INTS9: variants seen among roughly 807,000 people sequenced by gnomAD.
INTS9 encodes integrator complex subunit 9, also known as protein related to CPSF subunits of 74 kDa.
In INTS9, 55 loss-of-function variants were observed where a neutral mutation model predicts 79.7. The observed-to-expected ratio is 0.69, with a 90% confidence interval of 0.56 to 0.86. INTS9 has a LOEUF of 0.86. INTS9 is among the 40% of genes least tolerant of loss of function. The probability of loss-of-function intolerance (pLI) is 0.00; values close to 1 mark genes in which losing one functional copy is unlikely to be tolerated. For synonymous variants in INTS9, 319 were observed against 325.2 expected (o/e 0.98, Z 0.20); for missense variants, 721 against 831.5 (o/e 0.87, Z 1.64).
intron 10 of INTS9, among the ~76,000 whole-genome samples, chr8:28,788,698 C>T (rs1437416119): frequency 1.3e-5 from 2 of 152,214 alleles, no homozygotes; most frequent in Non-Finnish European, 2.9e-5. Context: ...AGATTACAGG[C>T]GTGAGCCACT....
intron 10 of INTS9, among the ~76,000 whole-genome samples, chr8:28,792,069 T>C (rs1052122255): frequency 6.6e-6 from 1 of 152,324 alleles, no homozygotes; most frequent in Admixed American, 6.5e-5. Flanking sequence ...TAAGTGAGGC[T>C]GCAGTTATTA....
At chr8:28,794,372 T>A (rs189828160) in intron 9 of INTS9, among the ~76,000 whole-genome samples, 1 of 152,296 alleles carries the variant, frequency 6.6e-6, no homozygotes, top group Admixed American at 6.5e-5. Flanking sequence ...TAGGCCGAGT[T>A]TTTCTGTTTG....
At chr8:28,882,470 A>T (rs1186556310) in intron 1 of INTS9, among the ~76,000 whole-genome samples, 4 of 146,766 alleles carry the variant, frequency 2.7e-5, no homozygotes, top group African/African-American at 1.0e-4. Context: ...AAAAAAAAAA[A>T]AATAGAAATA....
intron 1 of INTS9, among the ~76,000 whole-genome samples, chr8:28,866,239 T>C (rs1185264464): frequency 1.3e-5 from 2 of 152,222 alleles, no homozygotes; most frequent in African/African-American, 2.4e-5. Flanking sequence ...AGTCTTATTA[T>C]GACTACTCAT....
chr8:28,812,022 A>G (rs1049849748), intron 8 of INTS9, among the ~76,000 whole-genome samples: 3 of 152,158 alleles, frequency 2.0e-5, no homozygotes, highest in Non-Finnish European at 4.4e-5. Context: ...GGCCCTTGGG[A>G]AGGATTTTAA....
At chr8:28,828,636 C>A (rs1224877553) in intron 6 of INTS9, among the ~76,000 whole-genome samples, 1 of 152,126 alleles carries the variant, frequency 6.6e-6, no homozygotes, top group East Asian at 1.9e-4. Context: ...TTGATAAATT[C>A]CTGTATGCAT....
rs772376372 is a variant in INTS9 at position 28,847,447 on chromosome 8, CACT to C, written c.199-641_199-639del. Reference sequence around the variant, plus strand: ...CCTCCTCCACTACCACGACTACCACCACTACCTCCACCACCACCACCACCACTA... The same window carrying C: ...CCTCCTCCACTACCACGACTACCACCACCTCCACCACCACCACCACCACTA... On this transcript the variant is annotated intron_variant, in intron 3 of 16. Coordinates refer to ENST00000521022, the MANE Select transcript of INTS9 (RefSeq NM_018250.4). Among the ~76,000 whole-genome samples the C allele has an allele frequency of 2.0e-5, 3 of 150,648 alleles. No individual in the cohort carries two copies. In the South Asian group the frequency reaches 6.2e-4, roughly 31 times the overall value.
At chr8:28,826,180 G>A (rs1183106772) in intron 6 of INTS9, among the ~76,000 whole-genome samples, 2 of 152,164 alleles carry the variant, frequency 1.3e-5, no homozygotes, top group Non-Finnish European at 2.9e-5. Context: ...CCACTGAAAA[G>A]AGTAATGTGT....
At chr8:28,812,832 C>A (rs1805231539) in intron 7 of INTS9, among the ~76,000 whole-genome samples, 1 of 152,188 alleles carries the variant, frequency 6.6e-6, no homozygotes, top group Non-Finnish European at 1.5e-5. Context: ...GCCTGAGTAA[C>A]AAAGTGGGAC....
Position 28,775,761 on chromosome 8 carries a change from C to G in INTS9, c.1561G>C (p.Glu521Gln), listed in dbSNP as rs749961902. 12 of 1,614,106 alleles carry G rather than the reference C, an allele frequency of 7.4e-6. No homozygotes were observed. The South Asian group carries it at 1.2e-4, about 16-fold the overall frequency. Residue 521 changes from glutamate (E) to glutamine (Q), a missense_variant and splice_region_variant, in exon 14 of 17, where the codon GAG (glutamate) becomes CAG (glutamine). By Grantham distance (29) the Glu-to-Gln change is conservative. Coordinates refer to ENST00000521022, the MANE Select transcript of INTS9 (RefSeq NM_018250.4). ...CCCTAGGAAGGAGAACAGCTCACCT[C>G]TGGCATGATCTCGATCTTCTCGTAC... ...RRYEKIEIMP[E>Q]LADSLVPMEI...
intron 10 of INTS9, among the ~76,000 whole-genome samples, chr8:28,791,569 C>A (rs1033651973): frequency 9.9e-5 from 15 of 152,168 alleles, no homozygotes; most frequent in African/African-American, 3.6e-4. Context: ...CTTAACCCCC[C>A]AAATGGGGTC....
intron 1 of INTS9, among the ~76,000 whole-genome samples, chr8:28,888,291 C>T (rs565258864): frequency 3.0e-4 from 45 of 152,166 alleles, no homozygotes; most frequent in Non-Finnish European, 5.3e-4. Flanking sequence ...GTGGCTCATG[C>T]CTGTAATTCC....
At chr8:28,877,377 T>A (rs1038247193) in intron 1 of INTS9, among the ~76,000 whole-genome samples, 7 of 152,274 alleles carry the variant, frequency 4.6e-5, no homozygotes, top group Admixed American at 1.3e-4. Context: ...TATAATGACA[T>A]AATATTTTTT....
chr8:28,786,884 A>AT (rs1391082033), intron 11 of INTS9, among the ~76,000 whole-genome samples: 1 of 151,932 alleles, frequency 6.6e-6, no homozygotes, highest in African/African-American at 2.4e-5. Context: ...CGCCTGGCTA[A>AT]TTTTTTGTAT....
Position 28,787,906 on chromosome 8 carries a change from AC to A in INTS9, c.1038-18del. The A allele has an allele frequency of 6.3e-7, 1 of 1,578,704 alleles. No homozygotes were observed. Among genetic ancestry groups the A allele is most frequent in the Non-Finnish European group, 8.7e-7 (1 of 1,151,776 alleles). On this transcript the variant is annotated intron_variant, in intron 10 of 16. Coordinates refer to ENST00000521022, the MANE Select transcript of INTS9 (RefSeq NM_018250.4). Reference sequence around the variant, plus strand: ...TGACAAAGCCTATTAAAGAGGAAAAACACATCAGCATGTGAGGAAGAGCATA... The same window carrying A: ...TGACAAAGCCTATTAAAGAGGAAAAAACATCAGCATGTGAGGAAGAGCATA...
At chr8:28,812,242 A>G (rs562149988) in intron 8 of INTS9, 85 bp downstream of exon 8, 2 of 1,358,886 alleles carry the variant, frequency 1.5e-6, no homozygotes. Context: ...GAAGATTTAA[A>G]AATGGCTGAT....
intron 16 of INTS9, among the ~76,000 whole-genome samples, chr8:28,769,158 G>C (rs960589144): frequency 4.6e-5 from 7 of 152,198 alleles, no homozygotes; most frequent in African/African-American, 1.7e-4. Context: ...TCCTAGGAAA[G>C]GGAAAGCCTT....
intron 1 of INTS9, among the ~76,000 whole-genome samples, chr8:28,864,995 A>C (rs117203346): frequency 0.029 from 4,486 of 152,128 alleles, 111 homozygotes; most frequent in Non-Finnish European, 0.045. Context: ...CAAAAAAAAA[A>C]AAAAAACAAA....
intron 10 of INTS9, among the ~76,000 whole-genome samples, chr8:28,789,509 C>T (rs1201794912): frequency 8.7e-5 from 12 of 137,220 alleles, no homozygotes; most frequent in Non-Finnish European, 2.1e-4. Context: ...AATGGCGCTT[C>T]TAGGTTTATC....
Sources: gnomAD v4.1 joint callset for allele counts (sites outside exome capture counted in the v4.1 genomes callset) on GRCh38, gnomAD v4.1.1 for gene constraint, MANE v1.5 for transcripts, NCBI Gene and HGNC (gene_info 2026-07-23, HGNC 2026-07-21) for gene names.